The following SATL1 variants were observed in gnomAD, a reference collection of about 807,000 sequenced individuals.
SATL1 encodes spermidine/spermine N(1)-acetyltransferase-like protein 1.
Under a neutral mutation model 51.8 loss-of-function variants are expected in SATL1, and 47 were observed. That is an observed-to-expected ratio of 0.91 (90% CI 0.72 to 1.16). The LOEUF (loss-of-function observed/expected upper bound fraction) is 1.16, where lower values mean the gene tolerates loss of function less well. Among genes scored for constraint, SATL1 ranks in the 50% most tolerant of loss-of-function variants. The probability of loss-of-function intolerance (pLI) is 0.00; values close to 1 mark genes in which losing one functional copy is unlikely to be tolerated. For synonymous variants in SATL1, 176 were observed against 182.4 expected, an observed-to-expected ratio of 0.97 and a Z score of 0.28; for missense variants, 520 against 526.4, an observed-to-expected ratio of 0.99 and a Z score of 0.12.
chrX:85,146,935 G>C (rs766563570), intron 2 of SATL1, among the ~76,000 whole-genome samples: 1 of 112,625 alleles, frequency 8.9e-6, no homozygotes, highest in East Asian at 2.8e-4. Flanking sequence ...GAGGTACCGG[G>C]TTCATCTCAC....
intron 2 of SATL1, among the ~76,000 whole-genome samples, chrX:85,162,234 T>G (rs1362203337): frequency 9.0e-6 from 1 of 111,274 alleles, no homozygotes; most frequent in Non-Finnish European, 1.9e-5. Flanking sequence ...GTTAAAAACC[T>G]AACATCACAT....
Position 85,095,608 on chromosome X carries a change from C to T in SATL1, c.1694-612G>A, listed in dbSNP as rs761801886. Among the ~76,000 whole-genome samples, 535 of 102,691 alleles carry T rather than the reference C, an allele frequency of 5.2e-3. 3 individuals carry two copies. The highest frequency in any genetic ancestry group is 0.018 in the African/African-American group (502 of 28,463). The allele number at this position is 102,691 out of a possible 115,157, so 89.2% of individuals were successfully genotyped here. On this transcript the variant is annotated intron_variant, in intron 4 of 7. Coordinates refer to ENST00000644105, the MANE Select transcript of SATL1 (RefSeq NM_001367857.2). ...TTGGGAGGCCGAGGCGGGCGGATCA[C>T]GAGGTCAGGAGATCGAGACCATCCC...
At chrX:85,145,187 A>C (rs1164956818) in intron 2 of SATL1, among the ~76,000 whole-genome samples, 1 of 111,953 alleles carries the variant, frequency 8.9e-6, no homozygotes, top group Non-Finnish European at 1.9e-5. Flanking sequence ...CATTATTAAT[A>C]ATTATTCTGG....
At chrX:85,232,223 T>C (rs1477255437) in intron 1 of SATL1, among the ~76,000 whole-genome samples, 1 of 109,495 alleles carries the variant, frequency 9.1e-6, no homozygotes, top group African/African-American at 3.3e-5. Flanking sequence ...AACCCAGTCC[T>C]GGCAAGATGA....
At chrX:85,168,553 T>C (rs1158843738) in intron 2 of SATL1, among the ~76,000 whole-genome samples, 1 of 111,270 alleles carries the variant, frequency 9.0e-6, no homozygotes, top group Non-Finnish European at 1.9e-5. Context: ...TACGTAGGAA[T>C]ACAGCTAAGG....
At chrX:85,238,744 A>G (rs1928527902) in intron 1 of SATL1, among the ~76,000 whole-genome samples, 1 of 111,564 alleles carries the variant, frequency 9.0e-6, no homozygotes, top group African/African-American at 3.2e-5. Flanking sequence ...AGAAATGATA[A>G]ATGCTTGAGA....
chrX:85,208,129 A>G (rs1927826753), intron 2 of SATL1, among the ~76,000 whole-genome samples: 1 of 109,134 alleles, frequency 9.2e-6, no homozygotes, highest in South Asian at 4.1e-4. Flanking sequence ...TTCAATTCCC[A>G]CCTATGAGTG....
chrX:85,224,127 G>C (rs1470416302), intron 2 of SATL1, 78 bp downstream of exon 2: 1 of 111,538 alleles, frequency 9.0e-6, no homozygotes, highest in Non-Finnish European at 1.9e-5. Context: ...CACGGTTCTG[G>C]AGGCCAGAAG....
chrX:85,168,545 C>T (rs762524523), intron 2 of SATL1, among the ~76,000 whole-genome samples: 8 of 110,702 alleles, frequency 7.2e-5, no homozygotes, highest in African/African-American at 2.3e-4. Context: ...AAAAAGAATA[C>T]GTAGGAATAC....
At position 85,191,261 on chromosome X, in the gene SATL1, C is replaced by T. The variant is rs866415835; in HGVS notation, c.-313+32944G>A. ...AGTTTTATTTCATTTTAAATTGACA[C>T]ATAATAATTGTGCATATTTATTGGA... On this transcript the variant is annotated intron_variant, in intron 2 of 7. Transcript: ENST00000644105. Among the ~76,000 whole-genome samples the T allele has an allele frequency of 9.0e-5, 10 of 111,656 alleles. No homozygotes were observed. In the East Asian group the frequency reaches 2.2e-3, roughly 25 times the overall value.
At chrX:85,131,718 T>A (rs1433123843) in intron 2 of SATL1, among the ~76,000 whole-genome samples, 1 of 111,701 alleles carries the variant, frequency 9.0e-6, no homozygotes, top group African/African-American at 3.3e-5. Flanking sequence ...TTTTGCCCAT[T>A]AGTTGATGCA....
chrX:85,129,781 G>A (rs746812960), intron 2 of SATL1, among the ~76,000 whole-genome samples: 8 of 111,522 alleles, frequency 7.2e-5, no homozygotes, highest in African/African-American at 1.6e-4. Context: ...TTAGCTGTGC[G>A]TTTGGCATAA....
chrX:85,183,565 C>T (rs980470377), intron 2 of SATL1, among the ~76,000 whole-genome samples: 2 of 110,307 alleles, frequency 1.8e-5, no homozygotes, highest in Non-Finnish European at 3.8e-5. Flanking sequence ...GTCTTTTGTG[C>T]CACCATACAA....
chrX:85,176,427 T>A (rs986418865), intron 2 of SATL1, among the ~76,000 whole-genome samples: 7 of 111,396 alleles, frequency 6.3e-5, no homozygotes, highest in African/African-American at 2.0e-4. Context: ...GCAGTATAAA[T>A]TGCAGTAGAA....
intron 2 of SATL1, among the ~76,000 whole-genome samples, chrX:85,160,445 C>T (rs965571684): frequency 5.4e-5 from 6 of 110,137 alleles, no homozygotes; most frequent in Admixed American, 3.9e-4. Flanking sequence ...CACAGTAAAA[C>T]GATACAGGAG....
At chrX:85,171,447 C>A (rs1307922118) in intron 2 of SATL1, among the ~76,000 whole-genome samples, 1 of 111,608 alleles carries the variant, frequency 9.0e-6, no homozygotes, top group Non-Finnish European at 1.9e-5. Flanking sequence ...CAATATCATT[C>A]TAATGTTTTC....
intron 2 of SATL1, among the ~76,000 whole-genome samples, chrX:85,163,182 T>C (rs1008038298): frequency 1.9e-4 from 13 of 69,876 alleles, no homozygotes; most frequent in Non-Finnish European, 4.9e-5. Flanking sequence ...GGAGTTTTTG[T>C]TGTTGTTGTT....
chrX:85,211,528 A>T (rs1175632377), intron 2 of SATL1: 1 of 111,633 alleles, frequency 9.0e-6, no homozygotes, highest in East Asian at 2.8e-4. Context: ...TCTGTATTCA[A>T]CCTAAGTATT....
intron 1 of SATL1, among the ~76,000 whole-genome samples, chrX:85,233,447 G>A (rs185801578): frequency 8.9e-6 from 1 of 112,228 alleles, no homozygotes; most frequent in East Asian, 2.8e-4. Flanking sequence ...AATAAGGCAC[G>A]AGTGACCAAT....
Sources: allele counts gnomAD v4.1 joint callset (sites outside exome capture counted in the v4.1 genomes callset), GRCh38; gene constraint gnomAD v4.1.1; transcripts MANE v1.5; gene names NCBI Gene and HGNC (gene_info 2026-07-23, HGNC 2026-07-21).